PRKCE: variants seen among roughly 807,000 people sequenced by gnomAD.
The protein encoded by PRKCE is protein kinase C epsilon type.
A neutral mutation model predicts 85.4 loss-of-function variants in PRKCE; 16 were observed. The ratio of observed to expected loss-of-function variants is 0.19; its 90% CI spans 0.13 to 0.28. The LOEUF is 0.28. Ranked by LOEUF, PRKCE falls within the 10% of genes least tolerant of loss-of-function variation. PRKCE has a pLI of 1.00. For synonymous variants in PRKCE, 388 were observed against 371.5 expected, an observed-to-expected ratio of 1.04 and a Z score of -0.51; for missense variants, 573 against 975.2, an observed-to-expected ratio of 0.59 and a Z score of 5.49.
At chr2:45,860,881 T>C (rs958162599) in intron 2 of PRKCE, among the ~76,000 whole-genome samples, 1 of 152,222 alleles carries the variant, frequency 6.6e-6, no homozygotes, top group African/African-American at 2.4e-5. Flanking sequence ...CCAAAGCCAC[T>C]GAGCCCTGGA....
intron 14 of PRKCE, among the ~76,000 whole-genome samples, chr2:46,181,982 C>T (rs1447838372): frequency 5.9e-5 from 9 of 152,160 alleles, no homozygotes; most frequent in African/African-American, 1.9e-4. Context: ...CTACCACATA[C>T]CTGGGCAAGG....
rs765743344 is a variant in PRKCE, at chr2:46,184,907, G to A, written c.*26G>A. 1.3e-5 allele frequency: 21 copies of A among 1,599,032 alleles called. No homozygotes were observed. The African/African-American group carries it at 1.7e-4, about 13-fold the overall frequency. On this transcript the variant is annotated 3_prime_UTR_variant, in exon 15 of 15. Coordinates refer to ENST00000306156, the MANE Select transcript of PRKCE (RefSeq NM_005400.3). This position sits in a 1 kb window ranked among gnomAD's most constrained non-coding sequence, Gnocchi z 5.0. ...GAGCCCACTGCAGTTGGACTTTGCC[G>A]ATGCTGCAAGAAGGGGTGCAGAGAA...
chr2:46,020,171 C>T (rs1421558816), intron 10 of PRKCE, among the ~76,000 whole-genome samples: 2 of 151,988 alleles, frequency 1.3e-5, no homozygotes, highest in East Asian at 3.9e-4. Flanking sequence ...TTTCAAATTA[C>T]ATTTTGTGGA....
intron 6 of PRKCE, among the ~76,000 whole-genome samples, chr2:45,986,814 A>G (rs1703365282): frequency 1.3e-5 from 2 of 151,998 alleles, no homozygotes; most frequent in South Asian, 2.1e-4. Flanking sequence ...GAGCCATTCC[A>G]CTTCCCCGTT....
In PRKCE at chr2:45,881,553, A is replaced by G. The variant is rs557948464; in HGVS notation, c.412+38490A>G. Among the ~76,000 whole-genome samples, 3 of 152,364 alleles carry G rather than the reference A, an allele frequency of 2.0e-5. No homozygotes were observed. The East Asian group carries it at 5.8e-4, about 29-fold the overall frequency. ...AGGTCCTTAATATGCACTAAATCAT[A>G]TAAAAGCCAACTCTTACATAGTGCT... On this transcript the variant is annotated intron_variant, in intron 2 of 14. Transcript: ENST00000306156.
At chr2:45,798,995 G>A (rs541818212) in intron 1 of PRKCE, among the ~76,000 whole-genome samples, 3 of 151,698 alleles carry the variant, frequency 2.0e-5, no homozygotes, top group African/African-American at 7.3e-5. Flanking sequence ...GTGAAACCCC[G>A]TCTCTACTAA....
chr2:45,712,601 T>A (rs957918362), intron 1 of PRKCE, among the ~76,000 whole-genome samples: 1 of 152,194 alleles, frequency 6.6e-6, no homozygotes, highest in Non-Finnish European at 1.5e-5. Flanking sequence ...TGGCCCTGGC[T>A]GGTCCCACTG....
rs1054811277 is a variant in PRKCE, at chr2:45,835,968, G to T, written c.349-7032G>T. ...TGGTTTGCTTATTCATTTACCTGTT[G>T]TTGGACATTTGGGACATTTCCAGTT... On this transcript the variant is annotated intron_variant, in intron 1 of 14. Coordinates refer to ENST00000306156, the MANE Select transcript of PRKCE (RefSeq NM_005400.3). 2.6e-5 allele frequency among the ~76,000 whole-genome samples: 4 copies of T among 152,148 alleles called. No individual in the cohort carries two copies. In the East Asian group the frequency reaches 5.8e-4, roughly 22 times the overall value.
At position 46,086,176 on chromosome 2, in the gene PRKCE, G is replaced by A. The variant is rs772116853; in HGVS notation, c.1438-32G>A. Reference sequence around the variant, plus strand: ...CCTGTGTGGGCAGCTGCAATCAAATGACCCAAATGGCATTTTCTTCTCTCC... The same window carrying A: ...CCTGTGTGGGCAGCTGCAATCAAATAACCCAAATGGCATTTTCTTCTCTCC... On this transcript the variant is annotated intron_variant, in intron 10 of 14. Transcript: ENST00000306156. 4 of 1,596,048 alleles carry A rather than the reference G, an allele frequency of 2.5e-6. No individual in the cohort carries two copies. In the South Asian group the frequency reaches 3.3e-5, roughly 13 times the overall value.
chr2:45,829,571 A>G (rs1029025528), intron 1 of PRKCE, among the ~76,000 whole-genome samples: 1 of 152,220 alleles, frequency 6.6e-6, no homozygotes, highest in Non-Finnish European at 1.5e-5. Context: ...CTAATGAAGC[A>G]GAATAGAGAA....
At chr2:46,030,857 A>T (rs748275042) in intron 10 of PRKCE, among the ~76,000 whole-genome samples, 1 of 152,170 alleles carries the variant, frequency 6.6e-6, no homozygotes, top group African/African-American at 2.4e-5. Context: ...AGTCTTGGTC[A>T]TCCACGGAAT....
At chr2:45,888,465 CTTTT>C (rs34871432) in intron 2 of PRKCE, among the ~76,000 whole-genome samples, 1 of 74,752 alleles carries the variant, frequency 1.3e-5, no homozygotes, top group South Asian at 6.3e-4. Context: ...TCCCAACAGT[CTTTT>C]TTTTTTTTTT....
intron 1 of PRKCE, among the ~76,000 whole-genome samples, chr2:45,735,532 T>C (rs1681983137): frequency 6.6e-6 from 1 of 152,232 alleles, no homozygotes; most frequent in Non-Finnish European, 1.5e-5. Flanking sequence ...AATGGTAGCA[T>C]TCACCTCATA....
rs534278940 is a variant in PRKCE at position 46,060,961 on chromosome 2, C to G, written c.1438-25247C>G. On this transcript the variant is annotated intron_variant, in intron 10 of 14. Coordinates refer to ENST00000306156, the MANE Select transcript of PRKCE (RefSeq NM_005400.3). ...AATTTTAGTAGAGACAGGGTTTTGT[C>G]ATGTTGGCTAGGCTGGTCTTGAACT... is the stretch of plus-strand genomic sequence containing the variant. 1.6e-4 allele frequency among the ~76,000 whole-genome samples: 24 copies of G among 151,960 alleles called. 1 individual carries two copies. In the South Asian group the frequency reaches 4.8e-3, roughly 30 times the overall value.
At chr2:45,876,174 A>C (rs1257314910) in intron 2 of PRKCE, among the ~76,000 whole-genome samples, 1 of 152,028 alleles carries the variant, frequency 6.6e-6, no homozygotes, top group Non-Finnish European at 1.5e-5. Flanking sequence ...CCCTTATTTC[A>C]TTTTCTAAAC....
At chr2:45,694,091 A>G (rs1391506351) in intron 1 of PRKCE, among the ~76,000 whole-genome samples, 2 of 151,302 alleles carry the variant, frequency 1.3e-5, no homozygotes, top group Non-Finnish European at 2.9e-5. Context: ...CTGTATCCTA[A>G]CGATATGAGG....
At chr2:45,916,532 C>A (rs963559787) in intron 2 of PRKCE, among the ~76,000 whole-genome samples, 5 of 152,168 alleles carry the variant, frequency 3.3e-5, no homozygotes, top group African/African-American at 1.2e-4. Flanking sequence ...AGGTGTGAGC[C>A]ATTGCACCCA....
At chr2:45,849,721 CA>C (rs1692091264) in intron 2 of PRKCE, among the ~76,000 whole-genome samples, 3 of 152,124 alleles carry the variant, frequency 2.0e-5, no homozygotes, top group Non-Finnish European at 2.9e-5. Context: ...CAGAAAACAA[CA>C]AAATAACAAA....
chr2:46,131,231 G>A (rs1674417596), intron 11 of PRKCE, among the ~76,000 whole-genome samples: 1 of 152,200 alleles, frequency 6.6e-6, no homozygotes. Context: ...AGAGGCAGGG[G>A]TGAGGCTGTG....
Sources: allele counts gnomAD v4.1 joint callset (sites outside exome capture counted in the v4.1 genomes callset), GRCh38; gene constraint gnomAD v4.1.1; non-coding constraint Gnocchi (gnomAD v3.1); transcripts MANE v1.5; gene names NCBI Gene and HGNC (gene_info 2026-07-23, HGNC 2026-07-21).